Variants in SULT2B1 observed in about 807,000 individuals in gnomAD.
The protein encoded by SULT2B1 is sulfotransferase family 2B member 1.
Under a neutral mutation model 33.2 loss-of-function variants are expected in SULT2B1, and 16 were observed. The observed-to-expected ratio is 0.48, with a 90% CI of 0.33 to 0.73. The LOEUF is 0.73. SULT2B1 is among the 30% of genes least tolerant of loss of function. SULT2B1 has a pLI of 0.02. For missense variants in SULT2B1, 500 were observed against 506.0 expected, an observed-to-expected ratio of 0.99 and a Z score of 0.11; for synonymous variants, 186 against 200.5, an observed-to-expected ratio of 0.93 and a Z score of 0.61.
chr19:48,569,361 A>AAAAATATAT (rs1568405757), intron 1 of SULT2B1, among the ~76,000 whole-genome samples: 3 of 9,968 alleles, frequency 3.0e-4, no homozygotes, highest in African/African-American at 9.7e-4. Context: ...AAAAAAAAAA[A>AAAAATATAT]ACATATATAT....
intron 3 of SULT2B1, among the ~76,000 whole-genome samples, chr19:48,588,865 A>G (rs1356135017): frequency 6.6e-6 from 1 of 152,094 alleles, no homozygotes; most frequent in African/African-American, 2.4e-5. Context: ...GAGGTGCAAG[A>G]GGGAGGTCGG....
At chr19:48,598,431 A>C (rs964807729) in intron 6 of SULT2B1, among the ~76,000 whole-genome samples, 3 of 152,114 alleles carry the variant, frequency 2.0e-5, no homozygotes, top group Non-Finnish European at 4.4e-5. Flanking sequence ...ATCTCTACTA[A>C]AAATATAAAA....
At chr19:48,553,993 C>A (rs903669882) in intron 1 of SULT2B1, among the ~76,000 whole-genome samples, 2 of 152,106 alleles carry the variant, frequency 1.3e-5, no homozygotes, top group South Asian at 4.1e-4. Flanking sequence ...TCCGCGACGG[C>A]TCTGCCAGCT....
rs146280702 is a variant in SULT2B1, at chr19:48,556,772, G to A, written c.71+4449G>A. Among the ~76,000 whole-genome samples, 655 of 149,568 alleles carry A rather than the reference G, an allele frequency of 4.4e-3. 5 individuals are homozygous for A. Among genetic ancestry groups the A allele is most frequent in the African/African-American group, 0.014 (577 of 40,526 alleles). ...TCAAGACCAGCCTGGCCAACATGGT[G>A]ACACCCCATCTGTACTAAAAATAAA... On this transcript the variant is annotated intron_variant, in intron 1 of 6. Coordinates refer to ENST00000201586, the MANE Select transcript of SULT2B1 (RefSeq NM_177973.2).
At chr19:48,569,361 A>AAAAAT (rs1568405757) in intron 1 of SULT2B1, among the ~76,000 whole-genome samples, 1 of 9,968 alleles carries the variant, frequency 1.0e-4, no homozygotes, top group African/African-American at 4.9e-4. Flanking sequence ...AAAAAAAAAA[A>AAAAAT]ACATATATAT....
At chr19:48,577,123 T>C (rs1973424223) in intron 2 of SULT2B1, among the ~76,000 whole-genome samples, 1 of 140,938 alleles carries the variant, frequency 7.1e-6, no homozygotes, top group Non-Finnish European at 1.5e-5. Context: ...AACCTCTGCC[T>C]CCTGGGTTCA....
intron 1 of SULT2B1, among the ~76,000 whole-genome samples, chr19:48,555,534 G>A (rs1601083469): frequency 1.5e-5 from 2 of 131,768 alleles, no homozygotes; most frequent in East Asian, 4.5e-4. Context: ...CCTTGCATAG[G>A]GATCCCAGAG....
At chr19:48,588,512 C>T (rs1430479290) in intron 3 of SULT2B1, among the ~76,000 whole-genome samples, 1 of 139,800 alleles carries the variant, frequency 7.2e-6, no homozygotes, top group Admixed American at 7.2e-5. Context: ...AACTCCGTCT[C>T]AAAAAAAAAA....
intron 1 of SULT2B1, among the ~76,000 whole-genome samples, chr19:48,571,854 A>G (rs1283135592): frequency 6.6e-6 from 1 of 152,060 alleles, no homozygotes; most frequent in Non-Finnish European, 1.5e-5. Flanking sequence ...AAGGGGTGAC[A>G]TTTGGAACAA....
chr19:48,577,465 A>C (rs1207773543), intron 2 of SULT2B1, among the ~76,000 whole-genome samples: 2 of 140,704 alleles, frequency 1.4e-5, no homozygotes, highest in Admixed American at 7.7e-5. Flanking sequence ...TCCTGGGTTC[A>C]AGCGATTCTC....
At chr19:48,580,025 G>C (rs1001353243) in intron 2 of SULT2B1, among the ~76,000 whole-genome samples, 35 of 151,380 alleles carry the variant, frequency 2.3e-4, no homozygotes, top group African/African-American at 8.0e-4. Context: ...CTGGGCTCAA[G>C]CTATCCTCCC....
At chr19:48,559,959 TAA>T (rs769845924) in intron 1 of SULT2B1, among the ~76,000 whole-genome samples, 7,871 of 133,348 alleles carry the variant, frequency 0.059, 719 homozygotes, top group African/African-American at 0.2. Flanking sequence ...CATCTCTCTT[TAA>T]AAAAAAAAAA....
At chr19:48,589,227 A>T (rs2147623967) in intron 3 of SULT2B1, among the ~76,000 whole-genome samples, 1 of 149,684 alleles carries the variant, frequency 6.7e-6, no homozygotes, top group South Asian at 2.2e-4. Context: ...GACAGACTGG[A>T]TGTGGGTGTG....
chr19:48,592,626 G>T, intron 4 of SULT2B1, 96 bp from the exon 5 acceptor site: 12 of 1,060,826 alleles, frequency 1.1e-5, no homozygotes, highest in South Asian at 4.1e-5. Flanking sequence ...TGGACCTGGG[G>T]GTTTGTGGGG....
chr19:48,593,774 A>T (rs1259821072), intron 5 of SULT2B1, among the ~76,000 whole-genome samples: 1 of 149,780 alleles, frequency 6.7e-6, no homozygotes, highest in Non-Finnish European at 1.5e-5. Context: ...AGCTGGGATT[A>T]CAGGCATGCG....
chr19:48,572,524 A>G (rs6509394), intron 1 of SULT2B1, among the ~76,000 whole-genome samples: 94,940 of 150,304 alleles, frequency 0.63, 30,309 homozygotes, highest in African/African-American at 0.69. Flanking sequence ...AAAAAAAATT[A>G]AAAAAAAGAG....
chr19:48,579,283 CTTT>C (rs142498510), intron 2 of SULT2B1, among the ~76,000 whole-genome samples: 5 of 136,640 alleles, frequency 3.7e-5, no homozygotes, highest in African/African-American at 2.7e-5. Flanking sequence ...CATGCAAGTT[CTTT>C]TTTTTTTTTT....
At chr19:48,557,873 C>T (rs976574551) in intron 1 of SULT2B1, among the ~76,000 whole-genome samples, 12 of 151,904 alleles carry the variant, frequency 7.9e-5, no homozygotes, top group African/African-American at 2.9e-4. Context: ...GAGTCGAGAT[C>T]GTGTCATTAC....
intron 3 of SULT2B1, among the ~76,000 whole-genome samples, chr19:48,588,531 T>C (rs1339166838): frequency 1.5e-5 from 2 of 135,930 alleles, no homozygotes; most frequent in Non-Finnish European, 3.0e-5. Context: ...AACCCCCATA[T>C]ATTATACTAC....
Sources: allele counts gnomAD v4.1 joint callset (sites outside exome capture counted in the v4.1 genomes callset), GRCh38; gene constraint gnomAD v4.1.1; transcripts MANE v1.5; gene names NCBI Gene and HGNC (gene_info 2026-07-23, HGNC 2026-07-21).